The following MEIOC variants were observed in gnomAD, a reference collection of about 807,000 sequenced individuals.
The protein encoded by MEIOC is meiosis specific with coiled-coil domain.
In MEIOC, 9 loss-of-function variants were observed where a neutral mutation model predicts 85.3. That is an observed-to-expected ratio of 0.11 (90% CI 0.06 to 0.18). The LOEUF is 0.18. MEIOC is among the 10% of genes least tolerant of loss of function. The pLI is 1.00. For synonymous variants in MEIOC, 365 were observed against 393.7 expected (o/e 0.93, Z 0.86); for missense variants, 898 against 1,129.4 (o/e 0.80, Z 2.94).
intron 6 of MEIOC, among the ~76,000 whole-genome samples, chr17:44,671,599 A>G (rs984069096): frequency 6.6e-6 from 1 of 150,558 alleles, no homozygotes; most frequent in Non-Finnish European, 1.5e-5. Context: ...TTATTTCATT[A>G]ACAGAGGATT....
At position 44,674,388 on chromosome 17, in the gene MEIOC, C is replaced by T. The variant is rs1189737264; in HGVS notation, c.*192C>T. 7.3e-6 allele frequency: 10 copies of T among 1,371,102 alleles called. No homozygotes were observed. The highest frequency in any genetic ancestry group is 3.8e-6 in the Non-Finnish European group (4 of 1,061,688). 84.9% of individuals were successfully genotyped at this position (1,371,102 alleles called of 1,614,324 possible). A position where few individuals can be genotyped will look rare whatever the true frequency, so the allele number is the denominator to read the frequency against. ...TGAATCCGATATAGTTTTAAGTAAA[C>T]GCAAAGGTACAGTTGACTACTCAGA... On this transcript the variant is annotated 3_prime_UTR_variant, in exon 8 of 8. Transcript: ENST00000409122.
chr17:44,657,122 T>G lies in MEIOC; in HGVS notation c.70-5T>G. ...TCTGATATTTCCTATTCCCGTGTGC[T>G]GCAGCCCAAAGTCGCGTTCCCCGGA... On this transcript the variant is annotated splice_polypyrimidine_tract_variant and splice_region_variant and intron_variant, in intron 1 of 7. Transcript: ENST00000409122. 6.5e-7 allele frequency: 1 copy of G among 1,548,658 alleles called. No individual in the cohort carries two copies. The highest frequency in any genetic ancestry group is 8.7e-7 in the Non-Finnish European group (1 of 1,146,478).
rs35032511 is a variant in MEIOC at position 44,657,378 on chromosome 17, C to CTT, written c.204+139_204+140dup. ...TTAAGGAAGAGAAAACCAGGGAAAA[C>CTT]TTTTTTTTTTTTTTTTTTTTTTTGA... On this transcript the variant is annotated intron_variant, in intron 2 of 7. Coordinates refer to ENST00000409122, the MANE Select transcript of MEIOC (RefSeq NM_001145080.3). 2.8e-3 allele frequency: 815 copies of CTT among 295,524 alleles called. 3 individuals carry two copies. Among genetic ancestry groups the CTT allele is most frequent in the African/African-American group, 7.7e-3 (206 of 26,898 alleles). 18.3% of individuals were successfully genotyped at this position (295,524 alleles called of 1,614,324 possible).
Position 44,656,695 on chromosome 17 carries a change from G to C in MEIOC, c.69+13G>C. 6.7e-7 allele frequency: 1 copy of C among 1,489,094 alleles called. No homozygotes were observed. The allele number at this position is 1,489,094 out of a possible 1,614,324, so 92.2% of individuals were successfully genotyped here. A position where few individuals can be genotyped will look rare whatever the true frequency, so the allele number is the denominator to read the frequency against. ...GGAAGGACTTGAGGTAATGGATGAG[G>C]AAGGGCAGGGTCCAGGGGGCGGCCA... On this transcript the variant is annotated intron_variant, in intron 1 of 7. Coordinates refer to ENST00000409122, the MANE Select transcript of MEIOC (RefSeq NM_001145080.3).
At chr17:44,664,054 C>A (rs192130615) in intron 3 of MEIOC, among the ~76,000 whole-genome samples, 90 of 152,116 alleles carry the variant, frequency 5.9e-4, no homozygotes, top group African/African-American at 2.0e-3. Context: ...TATGAAAAAA[C>A]CGGAAGTTAC....
At chr17:44,657,388 T>A (rs1971778510) in intron 2 of MEIOC, 127 bp downstream of exon 2, 8 of 929,972 alleles carry the variant, frequency 8.6e-6, no homozygotes, top group Non-Finnish European at 1.2e-5. Flanking sequence ...CTTTTTTTTT[T>A]TTTTTTTTTT....
At chr17:44,665,179 G>C (rs1410684255) in intron 3 of MEIOC, 3 of 1,073,358 alleles carry the variant, frequency 2.8e-6, no homozygotes, top group African/African-American at 1.6e-5. Context: ...TTGAAATGAA[G>C]GAGAAATATT....
intron 5 of MEIOC, among the ~76,000 whole-genome samples, chr17:44,668,460 A>G (rs1234278800): frequency 6.6e-6 from 1 of 152,102 alleles, no homozygotes; most frequent in Non-Finnish European, 1.5e-5. Flanking sequence ...CCTCCTCCTG[A>G]GTAGCTAGTA....
At chr17:44,661,923 CAA>C (rs761589073) in intron 2 of MEIOC, among the ~76,000 whole-genome samples, 6 of 152,000 alleles carry the variant, frequency 3.9e-5, no homozygotes, top group Non-Finnish European at 8.8e-5. Context: ...CAAAAAATTA[CAA>C]AAAAACTACA....
Position 44,665,365 on chromosome 17 carries a change from C to A in MEIOC, c.360-19C>A. On this transcript the variant is annotated intron_variant, in intron 3 of 7. Coordinates refer to ENST00000409122, the MANE Select transcript of MEIOC (RefSeq NM_001145080.3). ...GTAATCAATATATTGTATTTCAGCA[C>A]GAATTCATTTATTTTTAGGATTCAA... 6.9e-7 allele frequency: 1 copy of A among 1,459,342 alleles called. No homozygotes were observed. Among genetic ancestry groups the A allele is most frequent in the East Asian group, 2.5e-5 (1 of 39,512 alleles). 90.4% of individuals were successfully genotyped at this position (1,459,342 alleles called of 1,614,324 possible). A position where few individuals can be genotyped will look rare whatever the true frequency, so the allele number is the denominator to read the frequency against.
At position 44,666,573 on chromosome 17, in the gene MEIOC, A is replaced by G. The variant is rs748786969; in HGVS notation, c.662A>G (p.Asp221Gly). The change falls in exon 5 of 8, where the codon GAT (aspartate) becomes GGT (glycine). Residue 221 changes from aspartate to glycine, a missense_variant. Coordinates refer to ENST00000409122, the MANE Select transcript of MEIOC (RefSeq NM_001145080.3). Reference protein sequence around the residue: ...NSNLTPQQKIDELHHGFTGLD... With the variant: ...NSNLTPQQKIGELHHGFTGLD... ...AATCTCACACCACAACAAAAAATAGATGAACTTCATCATGGATTTACTGGT... is the reference window on the plus strand; with the variant it reads ...AATCTCACACCACAACAAAAAATAGGTGAACTTCATCATGGATTTACTGGT... 5 of 1,610,636 alleles carry G rather than the reference A, an allele frequency of 3.1e-6. No homozygotes were observed. In the South Asian group the frequency reaches 4.4e-5, roughly 14 times the overall value.
At chr17:44,669,225 C>G (rs548690477) in intron 5 of MEIOC, among the ~76,000 whole-genome samples, 158 bp from the exon 6 acceptor site, 1 of 151,878 alleles carries the variant, frequency 6.6e-6, no homozygotes, top group African/African-American at 2.4e-5. Flanking sequence ...TAGAAAAATA[C>G]TGTGGTATTG....
chr17:44,657,061 G>T, intron 1 of MEIOC, 66 bp from the exon 2 acceptor site: 1 of 1,503,396 alleles, frequency 6.7e-7, no homozygotes, highest in Non-Finnish European at 8.9e-7. Flanking sequence ...CAGGTGTCGG[G>T]CCGTTTCAGC....
At chr17:44,660,442 G>T (rs768353166) in intron 2 of MEIOC, among the ~76,000 whole-genome samples, 5 of 152,018 alleles carry the variant, frequency 3.3e-5, no homozygotes, top group Non-Finnish European at 7.4e-5. Context: ...CTTTCGCCAT[G>T]TTGATCAGGA....
intron 2 of MEIOC, among the ~76,000 whole-genome samples, chr17:44,661,696 C>T (rs1001240855): frequency 6.6e-6 from 1 of 151,940 alleles, no homozygotes; most frequent in Non-Finnish European, 1.5e-5. Context: ...GGACTACAGG[C>T]GCCCATCACC....
At chr17:44,663,063 T>C (rs1157505019) in intron 3 of MEIOC, among the ~76,000 whole-genome samples, 1 of 152,364 alleles carries the variant, frequency 6.6e-6, no homozygotes, top group Non-Finnish European at 1.5e-5. Flanking sequence ...TTAAAACTTT[T>C]AGATGTTTTT....
At position 44,656,611 on chromosome 17, in the gene MEIOC, C is replaced by G; in HGVS notation, c.-3C>G. 6.8e-7 allele frequency: 1 copy of G among 1,475,024 alleles called. No homozygotes were observed. The highest frequency in any genetic ancestry group is 9.0e-7 in the Non-Finnish European group (1 of 1,110,958). 91.4% of individuals were successfully genotyped at this position (1,475,024 alleles called of 1,614,324 possible). A position where few individuals can be genotyped will look rare whatever the true frequency, so the allele number is the denominator to read the frequency against. ...TAGTCCAGGAGAGGCTGGGGGGCGC[C>G]CCATGGAGGTGAGACGCGGAGACAC... On this transcript the variant is annotated 5_prime_UTR_variant, in exon 1 of 8. Coordinates refer to ENST00000409122, the MANE Select transcript of MEIOC (RefSeq NM_001145080.3).
chr17:44,675,840 TAA>T, downstream of MEIOC: 1 of 766,566 alleles, frequency 1.3e-6, no homozygotes, highest in Non-Finnish European at 1.6e-6. Flanking sequence ...TTTCTAACCT[TAA>T]GAGTCACTCA....
intron 6 of MEIOC, chr17:44,670,990 T>A (rs933873264): frequency 6.6e-6 from 1 of 152,086 alleles, no homozygotes; most frequent in African/African-American, 2.4e-5. Context: ...TTTTTGACCT[T>A]CCTCTCTTAA....
Sources: gnomAD v4.1 joint callset for allele counts (sites outside exome capture counted in the v4.1 genomes callset) on GRCh38, gnomAD v4.1.1 for gene constraint, MANE v1.5 for transcripts, NCBI Gene and HGNC (gene_info 2026-07-23, HGNC 2026-07-21) for gene names.